Variants in KSR2 observed in about 807,000 individuals in gnomAD.
KSR2 encodes the protein kinase suppressor of ras 2.
Under a neutral mutation model 107.8 loss-of-function variants are expected in KSR2, and 25 were observed. That is an observed-to-expected ratio of 0.23 (90% CI 0.17 to 0.32). KSR2 has a LOEUF of 0.32. Ranked by LOEUF, KSR2 falls within the 10% of genes least tolerant of loss-of-function variation. The pLI, the probability that KSR2 is intolerant of heterozygous loss-of-function variation, is 1.00. For synonymous variants in KSR2, 480 were observed against 507.0 expected, an observed-to-expected ratio of 0.95 and a Z score of 0.71; for missense variants, 887 against 1,268.9, an observed-to-expected ratio of 0.70 and a Z score of 4.57.
intron 1 of KSR2, among the ~76,000 whole-genome samples, chr12:117,870,829 G>A (rs902355670): frequency 6.6e-6 from 1 of 152,144 alleles, no homozygotes; most frequent in Non-Finnish European, 1.5e-5. Context: ...AGACAAGTGG[G>A]GACAGTGGCC....
intron 7 of KSR2, among the ~76,000 whole-genome samples, chr12:117,563,611 A>G (rs1878266631): frequency 6.6e-6 from 1 of 152,130 alleles, no homozygotes; most frequent in Non-Finnish European, 1.5e-5. Context: ...TGCTATCTTT[A>G]TTATGGTAGT....
intron 1 of KSR2, among the ~76,000 whole-genome samples, chr12:117,967,122 T>C (rs66636449): frequency 0.11 from 17,431 of 152,168 alleles, 1,317 homozygotes; most frequent in African/African-American, 0.21. Flanking sequence ...GCATTTGGCA[T>C]TTCCTAAGCC....
chr12:117,802,148 G>GA (rs1478261189), intron 3 of KSR2, among the ~76,000 whole-genome samples: 1 of 152,050 alleles, frequency 6.6e-6, no homozygotes, highest in Non-Finnish European at 1.5e-5. Flanking sequence ...ACCTCTAGGG[G>GA]AGAGTCTGTT....
chr12:117,622,268 G>T (rs895278466), intron 5 of KSR2, among the ~76,000 whole-genome samples: 1 of 151,980 alleles, frequency 6.6e-6, no homozygotes, highest in African/African-American at 2.4e-5. Context: ...ATTCACTCAG[G>T]ATTAAATCAT....
chr12:117,871,623 C>G (rs1183903402), intron 1 of KSR2, among the ~76,000 whole-genome samples: 1 of 151,546 alleles, frequency 6.6e-6, no homozygotes, highest in Non-Finnish European at 1.5e-5. Flanking sequence ...CAGATGAAAC[C>G]ACACAGCAGC....
At chr12:117,712,017 C>A (rs1886803197) in intron 4 of KSR2, among the ~76,000 whole-genome samples, 1 of 152,166 alleles carries the variant, frequency 6.6e-6, no homozygotes, top group Admixed American at 6.5e-5. Flanking sequence ...GCATGTGAGG[C>A]ACCCAAGATC....
At chr12:117,546,655 C>T (rs192369633) in intron 9 of KSR2, among the ~76,000 whole-genome samples, 1 of 152,286 alleles carries the variant, frequency 6.6e-6, no homozygotes, top group East Asian at 1.9e-4. Flanking sequence ...ATACTCTGCT[C>T]AGGCCATTTT....
At chr12:117,611,876 T>C (rs193263171) in intron 5 of KSR2, among the ~76,000 whole-genome samples, 4 of 152,170 alleles carry the variant, frequency 2.6e-5, no homozygotes, top group African/African-American at 9.6e-5. Context: ...AAAGGACAAA[T>C]ATTGTATGAT....
chr12:117,592,289 T>C (rs1047645227), intron 5 of KSR2, among the ~76,000 whole-genome samples: 6 of 151,972 alleles, frequency 3.9e-5, no homozygotes, highest in African/African-American at 1.4e-4. Flanking sequence ...AATTTTTGTA[T>C]TTTTAGTAGA....
chr12:117,594,080 G>C (rs1880493469), intron 5 of KSR2, among the ~76,000 whole-genome samples: 1 of 152,162 alleles, frequency 6.6e-6, no homozygotes, highest in Non-Finnish European at 1.5e-5. Context: ...TCTTAAATCA[G>C]AGCCATCGGA....
chr12:117,700,088 C>T lies in KSR2; in HGVS notation c.987-32430G>A, dbSNP rs143717186. On this transcript the variant is annotated intron_variant, in intron 4 of 19. Coordinates refer to ENST00000339824, the MANE Select transcript of KSR2 (RefSeq NM_173598.6). ...GTAGAGACCGGTTTCACCATGTTGG[C>T]CAGGCTGGTCTCGAACTCCTGATCT... Among the ~76,000 whole-genome samples, 1,263 of 151,412 alleles carry T rather than the reference C, an allele frequency of 8.3e-3. 14 individuals are homozygous for T. Among genetic ancestry groups the T allele is most frequent in the Non-Finnish European group, 0.013 (871 of 67,856 alleles).
intron 4 of KSR2, among the ~76,000 whole-genome samples, chr12:117,707,128 C>G (rs1382463532): frequency 6.6e-6 from 1 of 152,122 alleles, no homozygotes; most frequent in Admixed American, 6.5e-5. Context: ...AGAAGTCAAA[C>G]ACAAAATACT....
chr12:117,555,312 T>C lies in KSR2; in HGVS notation c.1394-19A>G. 6.2e-7 allele frequency: 1 copy of C among 1,613,304 alleles called. No homozygotes were observed. On this transcript the variant is annotated intron_variant, in intron 8 of 19. Coordinates refer to ENST00000339824, the MANE Select transcript of KSR2 (RefSeq NM_173598.6). ...GCTGGATCCGTAGGGGTAAAAACAT[T>C]GATTTGGGAGTTTAAGTATCACTTT...
intron 4 of KSR2, among the ~76,000 whole-genome samples, chr12:117,698,036 G>A (rs938930965): frequency 7.9e-5 from 12 of 152,070 alleles, no homozygotes; most frequent in Admixed American, 2.6e-4. Flanking sequence ...TCTAGAGGCC[G>A]AAGAACACCG....
intron 4 of KSR2, among the ~76,000 whole-genome samples, chr12:117,705,517 C>G (rs895529493): frequency 6.6e-6 from 1 of 152,188 alleles, no homozygotes. Flanking sequence ...GGTCTCTAAC[C>G]CAGTCCTCAT....
chr12:117,713,301 C>T (rs1046739706), intron 4 of KSR2, among the ~76,000 whole-genome samples: 33 of 151,664 alleles, frequency 2.2e-4, no homozygotes, highest in African/African-American at 6.8e-4. Context: ...TATCATTATC[C>T]ATGTCTATAG....
chr12:117,818,597 G>A (rs377121061), intron 3 of KSR2, among the ~76,000 whole-genome samples: 2 of 152,352 alleles, frequency 1.3e-5, no homozygotes, highest in East Asian at 1.9e-4. Flanking sequence ...TGCAGGGCAT[G>A]CCACCTGAGA....
chr12:117,898,404 A>C (rs948829942), intron 1 of KSR2, among the ~76,000 whole-genome samples: 2 of 151,446 alleles, frequency 1.3e-5, no homozygotes, highest in African/African-American at 4.9e-5. Flanking sequence ...CAATCTCAGA[A>C]CACCTTCTGG....
chr12:117,590,532 A>C (rs1880258417), intron 5 of KSR2, among the ~76,000 whole-genome samples: 1 of 152,216 alleles, frequency 6.6e-6, no homozygotes, highest in African/African-American at 2.4e-5. Context: ...TGCTCTGCCA[A>C]GTGCCTGATG....
Sources: gnomAD v4.1 joint callset for allele counts (sites outside exome capture counted in the v4.1 genomes callset) on GRCh38, gnomAD v4.1.1 for gene constraint, MANE v1.5 for transcripts, NCBI Gene and HGNC (gene_info 2026-07-23, HGNC 2026-07-21) for gene names.